SPMIP10: variants seen among roughly 807,000 people sequenced by gnomAD.
The protein encoded by SPMIP10 is sperm microtubule inner protein 10, also known as sperm-associated microtubule inner protein 10.
chr5:126,633,166 A>C, the SPMIP10 span, among the ~76,000 whole-genome samples: 1 of 151,758 alleles, frequency 6.6e-6, no homozygotes, highest in Non-Finnish European at 1.5e-5. Context: ...AATTTCAGAA[A>C]CTCTACATCA....
At chr5:126,636,181 G>A in the SPMIP10 span, 38 of 1,614,104 alleles carry the variant, frequency 2.4e-5, no homozygotes, top group Middle Eastern at 3.3e-4. Flanking sequence ...CTTTGCATTC[G>A]CCTCTCTCCA....
chr5:126,635,993 T>G, the SPMIP10 span: 1 of 1,490,750 alleles, frequency 6.7e-7, no homozygotes, highest in South Asian at 1.1e-5. Flanking sequence ...AAGAAAATGA[T>G]GTTTGATGTG....
At chr5:126,634,401 C>T in the SPMIP10 span, among the ~76,000 whole-genome samples, 2 of 152,302 alleles carry the variant, frequency 1.3e-5, no homozygotes, top group South Asian at 4.1e-4. Flanking sequence ...TGCACTCCAG[C>T]CTGGGCAACA....
At chr5:126,631,906 C>T in the SPMIP10 span, 1 of 826,330 alleles carries the variant, frequency 1.2e-6, no homozygotes, top group Non-Finnish European at 2.1e-6. Context: ...ACTTTGTGTT[C>T]CCCTTTGGCA....
the SPMIP10 span, among the ~76,000 whole-genome samples, chr5:126,632,196 C>T: frequency 3.6e-5 from 5 of 137,124 alleles, no homozygotes; most frequent in Non-Finnish European, 7.6e-5. Flanking sequence ...GTCAGGAATT[C>T]GAGACCAGCC....
chr5:126,635,998 G>C, the SPMIP10 span: 2 of 1,519,392 alleles, frequency 1.3e-6, no homozygotes, highest in South Asian at 2.3e-5. Context: ...AATGATGTTT[G>C]ATGTGATACA....
the SPMIP10 span, among the ~76,000 whole-genome samples, chr5:126,632,953 A>G: frequency 6.7e-6 from 1 of 149,212 alleles, no homozygotes; most frequent in Non-Finnish European, 1.5e-5. Flanking sequence ...CGCCACTGCA[A>G]TCTAGCCTGG....
chr5:126,633,915 T>C, the SPMIP10 span, among the ~76,000 whole-genome samples: 1 of 151,940 alleles, frequency 6.6e-6, no homozygotes, highest in Non-Finnish European at 1.5e-5. Context: ...TGCCTCAGCC[T>C]CCCAAAGTGC....
At chr5:126,635,162 C>T in the SPMIP10 span, among the ~76,000 whole-genome samples, 3 of 118,412 alleles carry the variant, frequency 2.5e-5, no homozygotes, top group African/African-American at 4.0e-5. Flanking sequence ...ACTGAGGCCC[C>T]GTCTGTGAAA....
At chr5:126,633,001 A>T in the SPMIP10 span, among the ~76,000 whole-genome samples, 2 of 128,636 alleles carry the variant, frequency 1.6e-5, no homozygotes, top group Non-Finnish European at 3.2e-5. Flanking sequence ...TAAATAAATA[A>T]ATTTTACATA....
the SPMIP10 span, chr5:126,631,713 A>G: frequency 7.9e-6 from 12 of 1,509,700 alleles, no homozygotes; most frequent in African/African-American, 1.4e-4. Context: ...TTAGATGAGT[A>G]TTCCATCCAT....
the SPMIP10 span, chr5:126,632,524 T>A: frequency 7.4e-7 from 1 of 1,351,190 alleles, no homozygotes; most frequent in East Asian, 2.3e-5. Context: ...ACAAGATGTC[T>A]TCTTGCTTTC....
At chr5:126,633,024 T>TATATATATATATATATATATATATAAAA in the SPMIP10 span, among the ~76,000 whole-genome samples, 1 of 138,890 alleles carries the variant, frequency 7.2e-6, no homozygotes, top group Admixed American at 6.9e-5. Context: ...TATATATATA[T>TATATATATATATATATATATATATAAAA]ATATATATAA....
chr5:126,636,272 A>G, the SPMIP10 span: 5 of 1,539,798 alleles, frequency 3.2e-6, no homozygotes, highest in Non-Finnish European at 4.5e-6. Flanking sequence ...AAAGTGTTTC[A>G]ATCTCTGCTC....
chr5:126,636,184 T>TA, the SPMIP10 span: 2 of 1,614,016 alleles, frequency 1.2e-6, no homozygotes, highest in African/African-American at 2.7e-5. Context: ...TGCATTCGCC[T>TA]CTCTCCAGAT....
At chr5:126,635,766 T>C in the SPMIP10 span, among the ~76,000 whole-genome samples, 20,252 of 151,832 alleles carry the variant, frequency 0.13, 1,633 homozygotes, top group African/African-American at 0.22. Flanking sequence ...GCAGCCTTGA[T>C]TTCCCAGGAT....
chr5:126,636,142 C>T, the SPMIP10 span: 3 of 1,613,938 alleles, frequency 1.9e-6, no homozygotes, highest in East Asian at 4.5e-5. Flanking sequence ...TCCAAAAAGG[C>T]CCACCAGAAA....
At chr5:126,636,049 G>C in the SPMIP10 span, 1 of 1,613,610 alleles carries the variant, frequency 6.2e-7, no homozygotes, top group Non-Finnish European at 8.5e-7. Context: ...AAGTGTGTGG[G>C]ATCCATACTG....
chr5:126,633,008 CATATATATATAT>C, the SPMIP10 span, among the ~76,000 whole-genome samples: 13 of 125,334 alleles, frequency 1.0e-4, 1 homozygote, highest in African/African-American at 5.0e-4. Context: ...ATAAATTTTA[CATATATATATAT>C]ATATATATAT....
Sources: gnomAD v4.1 joint callset for allele counts (sites outside exome capture counted in the v4.1 genomes callset) on GRCh38, gnomAD v4.1.1 for gene constraint, MANE v1.5 for transcripts, NCBI Gene and HGNC (gene_info 2026-07-23, HGNC 2026-07-21) for gene names.